SNTG1: variants seen among roughly 807,000 people sequenced by gnomAD.
The protein encoded by SNTG1 is gamma-1-syntrophin.
SNTG1 carries 39 observed loss-of-function variants against 74.7 expected under a neutral mutation model. That is an observed-to-expected ratio of 0.52 (90% CI 0.40 to 0.68). The LOEUF is 0.68. Among genes scored for constraint, SNTG1 ranks in the 30% least tolerant of loss-of-function variants. The pLI is 0.00. For synonymous variants in SNTG1, 254 were observed against 217.1 expected, an observed-to-expected ratio of 1.17 and a Z score of -1.49; for missense variants, 685 against 609.5, an observed-to-expected ratio of 1.12 and a Z score of -1.30.
intron 2 of SNTG1, among the ~76,000 whole-genome samples, chr8:50,322,417 T>G (rs1054488645): frequency 6.6e-6 from 1 of 152,158 alleles, no homozygotes; most frequent in Non-Finnish European, 1.5e-5. Flanking sequence ...TGGAGCTCCA[T>G]TGTATGCTAT....
At chr8:50,214,245 C>T (rs1043300212) in intron 2 of SNTG1, among the ~76,000 whole-genome samples, 4 of 109,420 alleles carry the variant, frequency 3.7e-5, no homozygotes, top group Admixed American at 1.4e-4. Context: ...ACATCACACT[C>T]TGGGGACTGT....
chr8:50,002,561 A>G (rs1200398428), intron 1 of SNTG1, among the ~76,000 whole-genome samples: 18 of 152,146 alleles, frequency 1.2e-4, no homozygotes, highest in Admixed American at 1.2e-3. Flanking sequence ...AAAGAAATAT[A>G]AAACTATATT....
chr8:50,413,089 T>C (rs1413735098), intron 4 of SNTG1, among the ~76,000 whole-genome samples: 1 of 152,220 alleles, frequency 6.6e-6, no homozygotes, highest in Admixed American at 6.5e-5. Flanking sequence ...ATCAGTTACA[T>C]TGCTCACGTT....
At chr8:50,738,412 A>G (rs934064088) in intron 17 of SNTG1, among the ~76,000 whole-genome samples, 5 of 152,162 alleles carry the variant, frequency 3.3e-5, no homozygotes, top group African/African-American at 9.7e-5. Flanking sequence ...GTAAGAGAGG[A>G]CACAAACAAA....
At chr8:50,637,616 C>A (rs2095047292) in intron 13 of SNTG1, among the ~76,000 whole-genome samples, 1 of 152,052 alleles carries the variant, frequency 6.6e-6, no homozygotes, top group African/African-American at 2.4e-5. Flanking sequence ...TAGTAGATCA[C>A]TCACTCCTAT....
intron 1 of SNTG1, among the ~76,000 whole-genome samples, chr8:50,091,891 A>G (rs900145961): frequency 2.6e-5 from 4 of 152,142 alleles, no homozygotes; most frequent in African/African-American, 9.7e-5. Flanking sequence ...GTCAGATTTA[A>G]TCTGAGTAAA....
At chr8:50,001,414 A>G (rs1382749624) in intron 1 of SNTG1, among the ~76,000 whole-genome samples, 2 of 152,148 alleles carry the variant, frequency 1.3e-5, no homozygotes, top group Non-Finnish European at 2.9e-5. Flanking sequence ...TTGAACTGCT[A>G]GAAACTATAT....
intron 2 of SNTG1, among the ~76,000 whole-genome samples, chr8:50,250,685 C>G (rs1311856380): frequency 6.6e-6 from 1 of 151,900 alleles, no homozygotes; most frequent in Non-Finnish European, 1.5e-5. Flanking sequence ...AGATAATAAA[C>G]AAACAAAAAG....
intron 18 of SNTG1, among the ~76,000 whole-genome samples, chr8:50,775,793 G>T (rs892734739): frequency 1.3e-5 from 2 of 151,504 alleles, no homozygotes; most frequent in Non-Finnish European, 3.0e-5. Flanking sequence ...TTGCATCTAA[G>T]TTATTTGATG....
chr8:50,057,051 T>C (rs1486236339), intron 1 of SNTG1, among the ~76,000 whole-genome samples: 1 of 152,194 alleles, frequency 6.6e-6, no homozygotes, highest in Non-Finnish European at 1.5e-5. Context: ...ATCATGCACT[T>C]CTTTAGTGAT....
intron 15 of SNTG1, among the ~76,000 whole-genome samples, chr8:50,680,028 A>G (rs2095324912): frequency 2.0e-5 from 3 of 152,162 alleles, no homozygotes; most frequent in Admixed American, 2.0e-4. Flanking sequence ...AAATGGACAT[A>G]TAGCCTTGGC....
chr8:50,694,400 A>G (rs1462733169), intron 15 of SNTG1, among the ~76,000 whole-genome samples: 1 of 152,128 alleles, frequency 6.6e-6, no homozygotes, highest in Admixed American at 6.6e-5. Flanking sequence ...AAAAATAAAA[A>G]TGTGAAGAGA....
At chr8:50,249,590 A>G (rs1056861502) in intron 2 of SNTG1, among the ~76,000 whole-genome samples, 15 of 152,200 alleles carry the variant, frequency 9.9e-5, no homozygotes, top group African/African-American at 3.6e-4. Context: ...AGCCTACCAC[A>G]AAATTTGACT....
chr8:50,080,641 TA>T (rs1822318522), intron 1 of SNTG1, among the ~76,000 whole-genome samples: 1 of 152,178 alleles, frequency 6.6e-6, no homozygotes, highest in Non-Finnish European at 1.5e-5. Context: ...TGGTTTATGT[TA>T]GGGGTTGGCA....
intron 9 of SNTG1, among the ~76,000 whole-genome samples, chr8:50,526,646 C>CAT (rs34994608): frequency 1.4e-5 from 2 of 144,516 alleles, no homozygotes; most frequent in Non-Finnish European, 3.0e-5. Flanking sequence ...TATATACACG[C>CAT]ATATATATAT....
At chr8:49,993,568 C>A (rs377206064) in intron 1 of SNTG1, among the ~76,000 whole-genome samples, 35 of 152,156 alleles carry the variant, frequency 2.3e-4, no homozygotes, top group African/African-American at 7.5e-4. Flanking sequence ...CCTCCCACAC[C>A]CCGAAAGGCC....
intron 17 of SNTG1, among the ~76,000 whole-genome samples, chr8:50,721,256 A>G (rs2095486904): frequency 6.6e-6 from 1 of 152,192 alleles, no homozygotes; most frequent in Non-Finnish European, 1.5e-5. Flanking sequence ...TGATGGAGCT[A>G]GCAGCCAGCT....
chr8:50,394,475 G>A (rs530470537), intron 3 of SNTG1, among the ~76,000 whole-genome samples: 6 of 152,240 alleles, frequency 3.9e-5, no homozygotes, highest in African/African-American at 1.2e-4. Flanking sequence ...CTTTCTTTAG[G>A]AAGACTGGAG....
At chr8:50,601,217 G>A (rs1205202062) in intron 13 of SNTG1, among the ~76,000 whole-genome samples, 1 of 142,238 alleles carries the variant, frequency 7.0e-6, no homozygotes, top group African/African-American at 2.7e-5. Context: ...TTTCTTTGAA[G>A]GCTTTTTGTT....
Sources: gnomAD v4.1 joint callset for allele counts (sites outside exome capture counted in the v4.1 genomes callset) on GRCh38, gnomAD v4.1.1 for gene constraint, MANE v1.5 for transcripts, NCBI Gene and HGNC (gene_info 2026-07-23, HGNC 2026-07-21) for gene names.